The following PARD3B variants were observed in gnomAD, a reference collection of about 807,000 sequenced individuals.
PARD3B encodes partitioning defective 3 homolog B.
A neutral mutation model predicts 130.2 loss-of-function variants in PARD3B; 103 were observed. The ratio of observed to expected loss-of-function variants is 0.79; its 90% CI spans 0.67 to 0.93. PARD3B has a LOEUF of 0.93. Among genes scored for constraint, PARD3B ranks in the 40% least tolerant of loss-of-function variants. The probability of loss-of-function intolerance (pLI) is 0.00; values close to 1 mark genes in which losing one functional copy is unlikely to be tolerated. For missense variants in PARD3B, 1,609 were observed against 1,499.2 expected, an observed-to-expected ratio of 1.07 and a Z score of -1.21; for synonymous variants, 583 against 553.2, an observed-to-expected ratio of 1.05 and a Z score of -0.76.
chr2:205,124,281 A>T lies in PARD3B; in HGVS notation c.1166-46A>T, dbSNP rs1401489890. 7.1e-7 allele frequency: 1 copy of T among 1,401,614 alleles called. No individual in the cohort carries two copies. Among genetic ancestry groups the T allele is most frequent in the Non-Finnish European group, 9.5e-7 (1 of 1,052,818 alleles). 86.8% of individuals were successfully genotyped at this position (1,401,614 alleles called of 1,614,324 possible). ...TTACTGTAAGACTGAATATAATATT[A>T]CTCATGCTTAAGATGACTATACATT... is the stretch of plus-strand genomic sequence containing the variant. On this transcript the variant is annotated intron_variant, in intron 8 of 22. Transcript: ENST00000406610.
chr2:205,109,894 T>G (rs1289582731), intron 5 of PARD3B, among the ~76,000 whole-genome samples: 1 of 152,090 alleles, frequency 6.6e-6, no homozygotes, highest in African/African-American at 2.4e-5. Context: ...CCTCAAGTGA[T>G]CTGCCCGCCT....
chr2:204,557,188 C>A (rs1306968598), intron 1 of PARD3B, among the ~76,000 whole-genome samples: 1 of 152,088 alleles, frequency 6.6e-6, no homozygotes. Flanking sequence ...CGTAAATACA[C>A]ACTTCTAGCC....
chr2:205,093,963 A>C, intron 4 of PARD3B, among the ~76,000 whole-genome samples: 1 of 152,124 alleles, frequency 6.6e-6, no homozygotes, highest in East Asian at 1.9e-4. Context: ...AGCAGTTCAG[A>C]CCTCTGCACC....
chr2:204,878,862 G>C (rs747101862), intron 2 of PARD3B, among the ~76,000 whole-genome samples: 1 of 152,080 alleles, frequency 6.6e-6, no homozygotes, highest in Non-Finnish European at 1.5e-5. Context: ...TTAGAAAATT[G>C]TAAATTATAG....
chr2:205,113,150 G>T (rs1343228377), intron 5 of PARD3B, among the ~76,000 whole-genome samples: 1 of 152,132 alleles, frequency 6.6e-6, no homozygotes, highest in Non-Finnish European at 1.5e-5. Context: ...TTTCAAGTGT[G>T]TTTTAATGGG....
At chr2:204,827,337 G>A (rs2043623761) in intron 2 of PARD3B, among the ~76,000 whole-genome samples, 1 of 152,172 alleles carries the variant, frequency 6.6e-6, no homozygotes, top group African/African-American at 2.4e-5. Flanking sequence ...TTTATAATAG[G>A]GAAAGAAGCT....
intron 16 of PARD3B, among the ~76,000 whole-genome samples, chr2:205,250,464 G>A (rs1198644093): frequency 6.6e-6 from 1 of 152,156 alleles, no homozygotes; most frequent in Non-Finnish European, 1.5e-5. Flanking sequence ...AAACAGGCAA[G>A]TGTGTGAAAG....
Position 205,463,115 on chromosome 2 carries a change from A to C in PARD3B, c.3044+22443A>C, listed in dbSNP as rs529370345. ...CTTCCCTGCCCCCTTATTTGGTTTG[A>C]ACTGACTCACCTAATTGGGGTCAAC... On this transcript the variant is annotated intron_variant, in intron 20 of 22. Transcript: ENST00000406610. The surrounding 1 kb of genome is among the most constrained non-coding windows in gnomAD (Gnocchi z 4.8). Among the ~76,000 whole-genome samples, 102 of 152,256 alleles carry C rather than the reference A, an allele frequency of 6.7e-4. 1 individual carries two copies. Among genetic ancestry groups the C allele is most frequent in the Non-Finnish European group, 1.3e-3 (89 of 68,028 alleles).
intron 2 of PARD3B, among the ~76,000 whole-genome samples, chr2:204,766,979 TTCACA>T: frequency 7.7e-6 from 1 of 129,804 alleles, no homozygotes; most frequent in Non-Finnish European, 1.6e-5. Context: ...TTTTTTTTTT[TTCACA>T]TTTTTTATTT....
chr2:205,180,337 T>G (rs915192189), intron 13 of PARD3B, among the ~76,000 whole-genome samples: 5 of 152,098 alleles, frequency 3.3e-5, no homozygotes, highest in Middle Eastern at 6.8e-3. Context: ...TATATAAACA[T>G]GATGCTATAA....
intron 18 of PARD3B, among the ~76,000 whole-genome samples, chr2:205,386,739 G>A (rs758971849): frequency 6.6e-6 from 1 of 150,694 alleles, no homozygotes; most frequent in Non-Finnish European, 1.5e-5. Context: ...CGAGCAGGAG[G>A]GAAAGAACTT....
chr2:205,264,490 T>C (rs1178788915), intron 16 of PARD3B, among the ~76,000 whole-genome samples: 1 of 151,122 alleles, frequency 6.6e-6, no homozygotes, highest in Non-Finnish European at 1.5e-5. Flanking sequence ...CTAAGTTAAA[T>C]TGACTTATAT....
intron 18 of PARD3B, among the ~76,000 whole-genome samples, chr2:205,372,644 ACT>A (rs1440012183): frequency 6.6e-6 from 1 of 152,190 alleles, no homozygotes; most frequent in Non-Finnish European, 1.5e-5. Context: ...CTACTAAATG[ACT>A]CTGAATATTT....
intron 10 of PARD3B, among the ~76,000 whole-genome samples, chr2:205,127,594 G>C (rs1260829076): frequency 6.6e-6 from 1 of 152,124 alleles, no homozygotes; most frequent in Non-Finnish European, 1.5e-5. Flanking sequence ...GACCTGATCT[G>C]TTTCTTCAGA....
At chr2:205,299,325 G>A (rs977262251) in intron 16 of PARD3B, among the ~76,000 whole-genome samples, 1 of 152,086 alleles carries the variant, frequency 6.6e-6, no homozygotes, top group Non-Finnish European at 1.5e-5. Flanking sequence ...GCCTTGCTAG[G>A]TGCTAGACAT....
At chr2:204,927,354 C>T (rs1230943860) in intron 2 of PARD3B, among the ~76,000 whole-genome samples, 1 of 152,112 alleles carries the variant, frequency 6.6e-6, no homozygotes, top group African/African-American at 2.4e-5. Flanking sequence ...ATCTCCTTCT[C>T]CTTCCACCAT....
rs547276781 is a variant in PARD3B, at chr2:205,476,858, G to A, written c.3045-23038G>A. Among the ~76,000 whole-genome samples, 9 of 152,238 alleles carry A rather than the reference G, an allele frequency of 5.9e-5. No homozygotes were observed. In the South Asian group the frequency reaches 1.7e-3, roughly 28 times the overall value. On this transcript the variant is annotated intron_variant, in intron 20 of 22. Coordinates refer to ENST00000406610, the MANE Select transcript of PARD3B (RefSeq NM_001302769.2). ...TGATTTTGTTTCTTCATGTGTGTAT[G>A]TGTATGCGTGTGTGTATATTTACAG...
chr2:205,059,153 T>C (rs556093358), intron 4 of PARD3B, among the ~76,000 whole-genome samples: 1 of 152,118 alleles, frequency 6.6e-6, no homozygotes, highest in East Asian at 1.9e-4. Flanking sequence ...CCTGTGAATA[T>C]CCAGTTTCCC....
Position 205,300,505 on chromosome 2 carries a change from T to A in PARD3B, c.2186-25T>A, listed in dbSNP as rs755769601. On this transcript the variant is annotated intron_variant, in intron 16 of 22. Transcript: ENST00000406610. The surrounding 1 kb of genome is among the most constrained non-coding windows in gnomAD (Gnocchi z 4.1). ...CCACACTGCCCCATTAGAAGAGGGG[T>A]GACCTTTTGCCCTTTCTTTTCCAGA... is the stretch of plus-strand genomic sequence containing the variant. 8.2e-6 allele frequency: 13 copies of A among 1,581,968 alleles called. No individual in the cohort carries two copies. In the Middle Eastern group the frequency reaches 8.3e-4, roughly 100 times the overall value.
Sources: allele counts gnomAD v4.1 joint callset (sites outside exome capture counted in the v4.1 genomes callset), GRCh38; gene constraint gnomAD v4.1.1; non-coding constraint Gnocchi (gnomAD v3.1); transcripts MANE v1.5; gene names NCBI Gene and HGNC (gene_info 2026-07-23, HGNC 2026-07-21).